The following HEXB variants were observed in gnomAD, a reference collection of about 807,000 sequenced individuals.
HEXB encodes the protein beta-hexosaminidase subunit beta.
Under a neutral mutation model 71.2 loss-of-function variants are expected in HEXB, and 51 were observed. The observed-to-expected ratio is 0.72, with a 90% confidence interval of 0.57 to 0.90. HEXB has a LOEUF of 0.90. Ranked by LOEUF, HEXB falls within the 40% of genes least tolerant of loss-of-function variation. The pLI, the probability that HEXB is intolerant of heterozygous loss-of-function variation, is 0.00. For missense variants in HEXB, 617 were observed against 677.0 expected, an observed-to-expected ratio of 0.91 and a Z score of 0.98; for synonymous variants, 266 against 249.3, an observed-to-expected ratio of 1.07 and a Z score of -0.63.
intron 6 of HEXB, among the ~76,000 whole-genome samples, chr5:74,706,749 T>C (rs1275647881): frequency 2.0e-5 from 3 of 151,368 alleles, no homozygotes; most frequent in African/African-American, 7.3e-5. Context: ...GGGGGAGGGG[T>C]GCCCGCCATT....
intron 1 of HEXB, among the ~76,000 whole-genome samples, chr5:74,670,976 G>A (rs1390484850): frequency 1.3e-5 from 2 of 152,204 alleles, no homozygotes; most frequent in African/African-American, 4.8e-5. Flanking sequence ...CAAGTGGACA[G>A]AGCATCTCTG....
Position 74,652,501 on chromosome 5 carries a change from CAA to C in HEXB, c.-377+11946_-377+11947del, listed in dbSNP as rs1159292054. 6.6e-6 allele frequency among the ~76,000 whole-genome samples: 1 copy of C among 152,208 alleles called. No homozygotes were observed. The highest frequency in any genetic ancestry group is 1.5e-5 in the Non-Finnish European group (1 of 68,028). On this transcript the variant is annotated intron_variant, in intron 1 of 13. Transcript: ENST00000511181. This position sits in a 1 kb window ranked among gnomAD's most constrained non-coding sequence, Gnocchi z 5.4. ...GATGTTTTGCAAAATTTTTTACATT[CAA>C]AAGAGTCCTCATAGTTGGGTATAGT...
At position 74,710,513 on chromosome 5, in the gene HEXB, T is replaced by C. The variant is rs1358989113; in HGVS notation, c.772-2993T>C. Among the ~76,000 whole-genome samples, 663 of 152,186 alleles carry C rather than the reference T, an allele frequency of 4.4e-3. 1 individual carries two copies. Among genetic ancestry groups the C allele is most frequent in the Non-Finnish European group, 6.4e-3 (434 of 67,970 alleles). ...AAGTCAAATTGTCCCTGTTTGCAGA[T>C]GACATGATTGTATATCTAGAAAACC... On this transcript the variant is annotated intron_variant, in intron 6 of 13. Transcript: ENST00000261416.
intron 8 of HEXB, 70 bp downstream of exon 8, chr5:74,715,760 T>A: frequency 9.0e-7 from 1 of 1,105,002 alleles, no homozygotes; most frequent in Non-Finnish European, 1.4e-6. Flanking sequence ...CTCACGCCTA[T>A]AATCCCAGCA....
chr5:74,721,171 TGTAAAAAATGGAGG>T lies in HEXB; in HGVS notation c.1669_*11del. 6.2e-7 allele frequency: 1 copy of T among 1,612,656 alleles called. No homozygotes were observed. The highest frequency in any genetic ancestry group is 8.5e-7 in the Non-Finnish European group (1 of 1,178,812). On this transcript the variant is annotated stop_lost and 3_prime_UTR_variant, in exon 14 of 14. Transcript: ENST00000261416. ...GCTGGATATTGTAACCATGAGAACATGTAAAAAATGGAGGGGAAAAAGGCCACAGCAATCTGTAC... is the reference window on the plus strand; with the variant it reads ...GCTGGATATTGTAACCATGAGAACATGGAAAAAGGCCACAGCAATCTGTAC...
intron 1 of HEXB, among the ~76,000 whole-genome samples, chr5:74,676,294 G>A (rs1283730936): frequency 2.6e-5 from 4 of 152,138 alleles, no homozygotes; most frequent in African/African-American, 7.2e-5. Context: ...CTCTGATTAC[G>A]AACAGTTACA....
intron 1 of HEXB, among the ~76,000 whole-genome samples, chr5:74,665,963 G>A (rs1356132597): frequency 6.6e-6 from 1 of 152,122 alleles, no homozygotes; most frequent in African/African-American, 2.4e-5. Flanking sequence ...GAATAAACAT[G>A]CCTCTGTTCT....
chr5:74,682,914 T>C (rs564860408), upstream of HEXB, among the ~76,000 whole-genome samples: 22 of 152,264 alleles, frequency 1.4e-4, no homozygotes, highest in South Asian at 4.6e-3. Flanking sequence ...ATTTATTTAA[T>C]CAGTTTTACA....
chr5:74,650,723 C>T (rs1444755345), intron 1 of HEXB, among the ~76,000 whole-genome samples: 3 of 151,640 alleles, frequency 2.0e-5, no homozygotes, highest in African/African-American at 7.3e-5. Context: ...AGATCGAGAC[C>T]ATCCGGGCTA....
chr5:74,712,905 G>A (rs1749582722), intron 6 of HEXB, among the ~76,000 whole-genome samples: 1 of 152,074 alleles, frequency 6.6e-6, no homozygotes, highest in African/African-American at 2.4e-5. Context: ...GACCTATAAA[G>A]GGACTGAGGT....
chr5:74,682,318 A>G (rs1748753965), upstream of HEXB, among the ~76,000 whole-genome samples: 1 of 152,236 alleles, frequency 6.6e-6, no homozygotes, highest in African/African-American at 2.4e-5. Flanking sequence ...AGATGGCTCC[A>G]CTGCGCCCCA....
At chr5:74,717,454 A>G (rs1437747450) in intron 9 of HEXB, among the ~76,000 whole-genome samples, 2 of 150,072 alleles carry the variant, frequency 1.3e-5, no homozygotes, top group Non-Finnish European at 2.9e-5. Context: ...AGCTGAGGCT[A>G]GTGACTGCCA....
At chr5:74,662,718 A>G (rs978974692) in intron 1 of HEXB, among the ~76,000 whole-genome samples, 32 of 152,206 alleles carry the variant, frequency 2.1e-4, no homozygotes, top group Admixed American at 6.5e-5. Context: ...ATAGGTAAAA[A>G]TCATATTTTA....
chr5:74,716,016 C>CAAA (rs71600435), intron 8 of HEXB, among the ~76,000 whole-genome samples: 22 of 64,814 alleles, frequency 3.4e-4, no homozygotes, highest in South Asian at 6.5e-4. Context: ...GACTCCATCT[C>CAAA]AAAAAAAAAA....
At chr5:74,687,919 A>G (rs541773205) in intron 1 of HEXB, among the ~76,000 whole-genome samples, 114 of 152,288 alleles carry the variant, frequency 7.5e-4, no homozygotes, top group Non-Finnish European at 1.2e-3. Context: ...TCTTACACAT[A>G]AGTAGCATAT....
intron 1 of HEXB, among the ~76,000 whole-genome samples, chr5:74,671,131 A>C (rs79190356): frequency 0.013 from 1,964 of 152,048 alleles, 36 homozygotes; most frequent in African/African-American, 0.045. Flanking sequence ...GATGGTAAAA[A>C]AACAACTACA....
intron 5 of HEXB, among the ~76,000 whole-genome samples, chr5:74,698,358 G>A (rs1042524708): frequency 7.9e-5 from 12 of 151,498 alleles, no homozygotes; most frequent in African/African-American, 2.4e-4. Flanking sequence ...GCAGGTGTGA[G>A]CCACCGTGCC....
rs1561229292 is a variant in HEXB, at chr5:74,720,695, G to A, written c.1561G>A (p.Asp521Asn). The change falls in exon 13 of 14, where the codon GAT (aspartate) becomes AAT (asparagine). Residue 521 changes from aspartate to asparagine, a missense_variant. Asp to Asn is a conservative substitution (Grantham distance 23). Transcript: ENST00000261416. Reference protein sequence around the residue: ...ERLWSSKDVRDMDDAYDRLTR... With the variant: ...ERLWSSKDVRNMDDAYDRLTR... ...ACTCTGGAGTTCCAAAGATGTCAGA[G>A]ATATGGATGACGCCTATGACAGACT... 6.2e-7 allele frequency: 1 copy of A among 1,614,208 alleles called. No individual in the cohort carries two copies. The highest frequency in any genetic ancestry group is 1.3e-5 in the African/African-American group (1 of 75,058).
upstream of HEXB, chr5:74,685,176 C>T (rs562951186): frequency 2.2e-6 from 3 of 1,369,174 alleles, no homozygotes; most frequent in Admixed American, 3.2e-5. Context: ...CACCCGCGGC[C>T]GCGCTTCCTC....
Sources: allele counts gnomAD v4.1 joint callset (sites outside exome capture counted in the v4.1 genomes callset), GRCh38; gene constraint gnomAD v4.1.1; non-coding constraint Gnocchi (gnomAD v3.1); transcripts MANE v1.5; gene names NCBI Gene and HGNC (gene_info 2026-07-23, HGNC 2026-07-21).